The following HDAC9 variants were observed in gnomAD, a reference collection of about 807,000 sequenced individuals.
HDAC9 encodes the protein histone deacetylase 9.
In HDAC9, 41 loss-of-function variants were observed where a neutral mutation model predicts 139.4. That is an observed-to-expected ratio of 0.29 (90% CI 0.23 to 0.38). The LOEUF is 0.38. HDAC9 is among the 10% of genes least tolerant of loss of function. The probability of loss-of-function intolerance (pLI) is 1.00; values close to 1 mark genes in which losing one functional copy is unlikely to be tolerated. For missense variants in HDAC9, 1,147 were observed against 1,297.0 expected (o/e 0.88, Z 1.78); for synonymous variants, 517 against 476.2 (o/e 1.09, Z -1.12).
At chr7:18,977,572 T>A (rs1784622851) in intron 25 of HDAC9, among the ~76,000 whole-genome samples, 1 of 152,166 alleles carries the variant, frequency 6.6e-6, no homozygotes, top group Admixed American at 6.5e-5. Flanking sequence ...AGGTAAATAG[T>A]GTGCTTGACT....
At chr7:18,744,986 C>G (rs781428912) in intron 13 of HDAC9, among the ~76,000 whole-genome samples, 1 of 152,142 alleles carries the variant, frequency 6.6e-6, no homozygotes, top group Non-Finnish European at 1.5e-5. Context: ...AATTTTAACT[C>G]TTGTCCCACT....
chr7:18,385,025 A>C (rs1785787619), intron 1 of HDAC9, among the ~76,000 whole-genome samples: 1 of 152,170 alleles, frequency 6.6e-6, no homozygotes, highest in South Asian at 2.1e-4. Context: ...TCTGCCTGAG[A>C]TAATCCTTCA....
intron 17 of HDAC9, among the ~76,000 whole-genome samples, chr7:18,827,748 T>A (rs985541706): frequency 6.6e-6 from 1 of 152,226 alleles, no homozygotes; most frequent in Non-Finnish European, 1.5e-5. Context: ...AATTATATTC[T>A]TGTATTATAT....
In HDAC9 at chr7:18,864,618, A is replaced by G. The variant is rs1798353126; in HGVS notation, c.2685-9860A>G. On this transcript the variant is annotated intron_variant, in intron 21 of 25. Coordinates refer to ENST00000686413, the MANE Select transcript of HDAC9 (RefSeq NM_178425.4). ...TGAGGATTCTTACCACAATTAAAAA[A>G]AAAAAAGGAAAGAAAAAAAACTAAG... is the stretch of plus-strand genomic sequence containing the variant. Among the ~76,000 whole-genome samples, 6 of 152,186 alleles carry G rather than the reference A, an allele frequency of 3.9e-5. No individual in the cohort carries two copies. The South Asian group carries it at 1.2e-3, about 32-fold the overall frequency.
At chr7:18,235,230 G>T (rs1166141616) in intron 2 of HDAC9, among the ~76,000 whole-genome samples, 1 of 152,136 alleles carries the variant, frequency 6.6e-6, no homozygotes, top group East Asian at 1.9e-4. Context: ...ATAAAAAAGA[G>T]AAAATCTTTA....
chr7:18,407,436 T>G (rs943211623), intron 1 of HDAC9, among the ~76,000 whole-genome samples: 1 of 152,102 alleles, frequency 6.6e-6, no homozygotes, highest in African/African-American at 2.4e-5. Context: ...AATCTCAAAG[T>G]GGGGTGACAC....
intron 11 of HDAC9, 112 bp from the exon 12 acceptor site, chr7:18,666,101 G>C: frequency 8.6e-7 from 1 of 1,161,378 alleles, no homozygotes; most frequent in Non-Finnish European, 1.2e-6. Flanking sequence ...TGAAATTTAT[G>C]TTCAATGATT....
chr7:18,606,490 T>C (rs1470948748), intron 6 of HDAC9, among the ~76,000 whole-genome samples: 1 of 152,186 alleles, frequency 6.6e-6, no homozygotes, highest in East Asian at 1.9e-4. Context: ...TGCTAAAAAC[T>C]GAGAGAGAGA....
At chr7:18,930,619 T>TG (rs1563064966) in intron 22 of HDAC9, among the ~76,000 whole-genome samples, 1 of 151,442 alleles carries the variant, frequency 6.6e-6, no homozygotes, top group Non-Finnish European at 1.5e-5. Context: ...ATAATAAAAT[T>TG]AAAAAAAAAT....
rs762777342 is a variant in HDAC9 at position 18,767,065 on chromosome 7, C to T, written c.2165-41C>T. 9.2e-5 allele frequency: 86 copies of T among 933,460 alleles called. 2 individuals carry two copies. Among genetic ancestry groups the T allele is most frequent in the East Asian group, 2.9e-5 (1 of 34,302 alleles). The allele number at this position is 933,460 out of a possible 1,614,324, so 57.8% of individuals were successfully genotyped here. A position where few individuals can be genotyped will look rare whatever the true frequency, so the allele number is the denominator to read the frequency against. On this transcript the variant is annotated intron_variant, in intron 15 of 25. Transcript: ENST00000686413. ...TGCCAACATTTTAAAAATTATATAA[C>T]CTCCATTTATCTATATTTTTTATGT...
At chr7:18,090,642 G>A (rs1204473623) in intron 1 of HDAC9, among the ~76,000 whole-genome samples, 1 of 152,208 alleles carries the variant, frequency 6.6e-6, no homozygotes, top group Non-Finnish European at 1.5e-5. Context: ...TTTGGGAAGA[G>A]AGAGTATTGA....
chr7:18,639,804 T>C (rs1785007955), intron 8 of HDAC9, among the ~76,000 whole-genome samples: 1 of 152,004 alleles, frequency 6.6e-6, no homozygotes, highest in Admixed American at 6.6e-5. Flanking sequence ...CTGTATGCCA[T>C]TCTAATAGAC....
At chr7:18,391,246 A>G (rs1786453371) in intron 1 of HDAC9, among the ~76,000 whole-genome samples, 2 of 152,090 alleles carry the variant, frequency 1.3e-5, no homozygotes, top group Non-Finnish European at 2.9e-5. Flanking sequence ...TTATCCGGGC[A>G]TGGTGGCACG....
intron 22 of HDAC9, among the ~76,000 whole-genome samples, chr7:18,902,295 A>G (rs183791890): frequency 1.3e-5 from 2 of 152,304 alleles, no homozygotes; most frequent in East Asian, 3.9e-4. Context: ...GGGGCTGTTT[A>G]GTAAAATATG....
At chr7:18,834,887 C>A (rs1036948692) in intron 19 of HDAC9, among the ~76,000 whole-genome samples, 2 of 152,164 alleles carry the variant, frequency 1.3e-5, no homozygotes, top group African/African-American at 4.8e-5. Context: ...AATGGTGGGA[C>A]TTGGCAAATC....
chr7:18,642,889 C>G (rs1198694805), intron 8 of HDAC9, among the ~76,000 whole-genome samples: 1 of 152,074 alleles, frequency 6.6e-6, no homozygotes, highest in African/African-American at 2.4e-5. Flanking sequence ...ATTTTTTGTG[C>G]CATTCTCCCA....
intron 21 of HDAC9, among the ~76,000 whole-genome samples, chr7:18,869,146 G>GT (rs1798714357): frequency 1.5e-5 from 2 of 132,390 alleles, no homozygotes; most frequent in Admixed American, 1.6e-4. Flanking sequence ...CTCACAATTG[G>GT]GGTGTGTGTG....
At chr7:18,243,525 A>G (rs1169903049) in intron 2 of HDAC9, among the ~76,000 whole-genome samples, 1 of 152,212 alleles carries the variant, frequency 6.6e-6, no homozygotes, top group South Asian at 2.1e-4. Context: ...GCTCCTTCCA[A>G]ATTCCACTCA....
chr7:18,793,277 C>G, intron 16 of HDAC9, 68 bp from the exon 17 acceptor site: 1 of 1,078,282 alleles, frequency 9.3e-7, no homozygotes, highest in Non-Finnish European at 1.4e-6. Flanking sequence ...CCCCTTTTAC[C>G]CCTTTCATCT....
Sources: allele counts gnomAD v4.1 joint callset (sites outside exome capture counted in the v4.1 genomes callset), GRCh38; gene constraint gnomAD v4.1.1; transcripts MANE v1.5; gene names NCBI Gene and HGNC (gene_info 2026-07-23, HGNC 2026-07-21).